Variants in PTK2 observed in about 807,000 individuals in gnomAD.
PTK2 encodes the protein protein tyrosine kinase 2.
In PTK2, 45 loss-of-function variants were observed where a neutral mutation model predicts 150.1. The ratio of observed to expected loss-of-function variants is 0.30; its 90% CI spans 0.24 to 0.38. The LOEUF is 0.38. PTK2 is among the 10% of genes least tolerant of loss of function. PTK2 has a pLI of 1.00. For missense variants in PTK2, 919 were observed against 1,307.3 expected, an observed-to-expected ratio of 0.70 and a Z score of 4.58; for synonymous variants, 432 against 449.2, an observed-to-expected ratio of 0.96 and a Z score of 0.48.
At chr8:140,975,719 G>A (rs1232782693) in intron 1 of PTK2, among the ~76,000 whole-genome samples, 1 of 152,186 alleles carries the variant, frequency 6.6e-6, no homozygotes, top group African/African-American at 2.4e-5. Context: ...GGGGAAGTCT[G>A]CCGACCCCTG....
intron 24 of PTK2, among the ~76,000 whole-genome samples, chr8:140,703,970 T>C (rs1310858639): frequency 6.6e-6 from 1 of 152,216 alleles, no homozygotes; most frequent in South Asian, 2.1e-4. Flanking sequence ...ATTAGGTCTC[T>C]AGGCATTAAT....
At chr8:140,867,734 T>C (rs918389000) in intron 4 of PTK2, among the ~76,000 whole-genome samples, 13 of 152,210 alleles carry the variant, frequency 8.5e-5, no homozygotes, top group Non-Finnish European at 1.8e-4. Flanking sequence ...CCATGTACCC[T>C]TGAACCTAAA....
rs922320470 is a variant in PTK2, at chr8:140,745,072, T to C, written c.1519-305A>G. 1.0e-4 allele frequency among the ~76,000 whole-genome samples: 10 copies of C among 99,206 alleles called. No individual in the cohort carries two copies. The Admixed American group carries it at 1.1e-3, about 11-fold the overall frequency. 65.1% of individuals were successfully genotyped at this position (99,206 alleles called of 152,430 possible). A position where few individuals can be genotyped will look rare whatever the true frequency, so the allele number is the denominator to read the frequency against. On this transcript the variant is annotated intron_variant, in intron 18 of 31. Coordinates refer to ENST00000522684, the Ensembl canonical transcript of PTK2. ...TGAACAAAAGCACAGTACAAATTAT[T>C]GCTAAATAATAATAACAACTGGAAG...
chr8:140,977,814 A>C (rs1455530723), intron 1 of PTK2, among the ~76,000 whole-genome samples: 2 of 152,254 alleles, frequency 1.3e-5, no homozygotes, highest in Non-Finnish European at 2.9e-5. Flanking sequence ...ACTCATCATA[A>C]AGGAAAAAAG....
At chr8:140,722,604 C>T (rs1432349728) in intron 22 of PTK2, among the ~76,000 whole-genome samples, 2 of 152,092 alleles carry the variant, frequency 1.3e-5, no homozygotes, top group Admixed American at 6.6e-5. Flanking sequence ...AAAGGACCTG[C>T]GAATGGTCAC....
intron 5 of PTK2, among the ~76,000 whole-genome samples, chr8:140,856,050 C>T (rs1358075668): frequency 6.6e-6 from 1 of 152,172 alleles, no homozygotes; most frequent in Non-Finnish European, 1.5e-5. Flanking sequence ...GACCTACTAA[C>T]ATTCAATATG....
At chr8:140,749,042 C>T (rs978164584) in intron 17 of PTK2, among the ~76,000 whole-genome samples, 1 of 152,206 alleles carries the variant, frequency 6.6e-6, no homozygotes, top group Non-Finnish European at 1.5e-5. Context: ...TGAGAAAAAA[C>T]TGTGAAAGAC....
intron 2 of PTK2, among the ~76,000 whole-genome samples, chr8:140,908,094 T>A (rs1602130399): frequency 6.6e-6 from 1 of 152,254 alleles, no homozygotes; most frequent in South Asian, 2.1e-4. Flanking sequence ...AAAGGAAAAG[T>A]CACTGAAGGA....
At chr8:140,960,394 G>A (rs1338010011) in intron 1 of PTK2, among the ~76,000 whole-genome samples, 1 of 151,904 alleles carries the variant, frequency 6.6e-6, no homozygotes, top group Non-Finnish European at 1.5e-5. Flanking sequence ...ATTTTTAGTA[G>A]AGACGGGGTT....
intron 26 of PTK2, among the ~76,000 whole-genome samples, chr8:140,697,396 G>C (rs2100027314): frequency 6.6e-6 from 1 of 151,058 alleles, no homozygotes; most frequent in Non-Finnish European, 1.5e-5. Flanking sequence ...TCTAGCTACA[G>C]GAAGTTCTTA....
chr8:140,830,068 C>A (rs990843689), intron 8 of PTK2, among the ~76,000 whole-genome samples: 3 of 123,692 alleles, frequency 2.4e-5, no homozygotes, highest in Non-Finnish European at 4.8e-5. Context: ...AATGCACTAA[C>A]ATGCACGCAC....
At chr8:140,796,335 A>C (rs2100091582) in intron 12 of PTK2, among the ~76,000 whole-genome samples, 1 of 152,180 alleles carries the variant, frequency 6.6e-6, no homozygotes, top group Non-Finnish European at 1.5e-5. Context: ...AAAATAACCA[A>C]GTCACACCAG....
intron 1 of PTK2, among the ~76,000 whole-genome samples, chr8:140,994,851 G>A (rs1310952744): frequency 1.3e-5 from 2 of 152,108 alleles, no homozygotes; most frequent in Admixed American, 6.6e-5. Flanking sequence ...ATAATGGGCC[G>A]AAGTGGGAGG....
chr8:140,660,300 A>T (rs1248943885), intron 31 of PTK2, among the ~76,000 whole-genome samples: 1 of 152,202 alleles, frequency 6.6e-6, no homozygotes, highest in Non-Finnish European at 1.5e-5. Context: ...ATACAGTAAG[A>T]TGTGCTGAAG....
At chr8:140,802,765 A>G (rs999505506) in intron 11 of PTK2, among the ~76,000 whole-genome samples, 4 of 152,158 alleles carry the variant, frequency 2.6e-5, no homozygotes, top group African/African-American at 9.7e-5. Context: ...ACAATTGCCT[A>G]AAGTATTCAG....
intron 5 of PTK2, among the ~76,000 whole-genome samples, chr8:140,854,197 A>G (rs1410427570): frequency 6.6e-6 from 1 of 152,218 alleles, no homozygotes; most frequent in Non-Finnish European, 1.5e-5. Flanking sequence ...TTAAAAGTTA[A>G]TGGGTGGACA....
At chr8:140,786,405 C>A (rs1343790441) in intron 14 of PTK2, among the ~76,000 whole-genome samples, 1 of 152,092 alleles carries the variant, frequency 6.6e-6, no homozygotes, top group African/African-American at 2.4e-5. Context: ...TAAGAAATAA[C>A]CCTGGGATTT....
chr8:140,731,046 C>T lies in PTK2; in HGVS notation c.2030+4205G>A, dbSNP rs550989090. Reference sequence around the variant, plus strand: ...CAATACCGGCTCACTGCAACCTCTGCCTCCCCAGGTTCAAGCGACTCTCTT... The same window carrying T: ...CAATACCGGCTCACTGCAACCTCTGTCTCCCCAGGTTCAAGCGACTCTCTT... On this transcript the variant is annotated intron_variant, in intron 22 of 31. Coordinates refer to ENST00000522684, the Ensembl canonical transcript of PTK2. Among the ~76,000 whole-genome samples the T allele has an allele frequency of 1.1e-4, 16 of 149,490 alleles. 1 individual carries two copies. The South Asian group carries it at 3.5e-3, about 33-fold the overall frequency.
At chr8:140,885,171 A>AT (rs1295808444) in intron 3 of PTK2, among the ~76,000 whole-genome samples, 2 of 152,196 alleles carry the variant, frequency 1.3e-5, no homozygotes, top group Non-Finnish European at 2.9e-5. Context: ...AGGTACAGAG[A>AT]TATCAGTAAA....
Sources: allele counts gnomAD v4.1 joint callset (sites outside exome capture counted in the v4.1 genomes callset), GRCh38; gene constraint gnomAD v4.1.1; transcripts MANE v1.5; gene names NCBI Gene and HGNC (gene_info 2026-07-23, HGNC 2026-07-21).